RIPOR2: variants seen among roughly 807,000 people sequenced by gnomAD.
RIPOR2 encodes the protein rho family-interacting cell polarization regulator 2.
RIPOR2 carries 39 observed loss-of-function variants against 114.5 expected under a neutral mutation model. That is an observed-to-expected ratio of 0.34 (90% CI 0.26 to 0.44). The LOEUF (loss-of-function observed/expected upper bound fraction) is 0.44, where lower values mean the gene tolerates loss of function less well. Among genes scored for constraint, RIPOR2 ranks in the 20% least tolerant of loss-of-function variants. The pLI, the probability that RIPOR2 is intolerant of heterozygous loss-of-function variation, is 1.00. For missense variants in RIPOR2, 1,007 were observed against 1,255.1 expected, an observed-to-expected ratio of 0.80 and a Z score of 2.99; for synonymous variants, 445 against 484.4, an observed-to-expected ratio of 0.92 and a Z score of 1.07.
intron 1 of RIPOR2, among the ~76,000 whole-genome samples, chr6:24,877,817 G>C (rs1765947160): frequency 6.6e-6 from 1 of 152,178 alleles, no homozygotes; most frequent in Non-Finnish European, 1.5e-5. Flanking sequence ...CTATTGGCTA[G>C]GGTTGGACCG....
At chr6:24,856,975 G>GT in intron 8 of RIPOR2, among the ~76,000 whole-genome samples, 1 of 152,082 alleles carries the variant, frequency 6.6e-6, no homozygotes, top group East Asian at 1.9e-4. Context: ...TGGTAGTGAT[G>GT]TTTTTTTCAC....
chr6:24,957,626 C>A (rs140433345), intron 1 of RIPOR2, among the ~76,000 whole-genome samples: 2,091 of 152,286 alleles, frequency 0.014, 34 homozygotes, highest in African/African-American at 0.039. Context: ...GTAATCCCAA[C>A]ACTATGGGAG....
chr6:24,890,778 C>T (rs1203253268), intron 1 of RIPOR2, among the ~76,000 whole-genome samples: 1 of 151,782 alleles, frequency 6.6e-6, no homozygotes, highest in Admixed American at 6.6e-5. Context: ...CCTTAGCCTC[C>T]TGAGTAGCTA....
chr6:24,873,933 G>A, intron 2 of RIPOR2, 134 bp from the exon 3 acceptor site: 1 of 741,378 alleles, frequency 1.3e-6, no homozygotes, highest in Non-Finnish European at 2.1e-6. Context: ...GAGTATGGTG[G>A]TGTGATCATA....
intron 1 of RIPOR2, among the ~76,000 whole-genome samples, chr6:24,923,470 C>T (rs774771755): frequency 2.0e-5 from 3 of 151,924 alleles, no homozygotes; most frequent in African/African-American, 4.8e-5. Flanking sequence ...GTGGCTGTAC[C>T]ATTTTACATT....
At chr6:25,002,957 A>C (rs1775385362) in intron 1 of RIPOR2, among the ~76,000 whole-genome samples, 1 of 152,260 alleles carries the variant, frequency 6.6e-6, no homozygotes, top group Non-Finnish European at 1.5e-5. Context: ...AAAGTGATTT[A>C]AGACAAGTTC....
At chr6:24,892,128 G>A (rs1394338335) in intron 1 of RIPOR2, among the ~76,000 whole-genome samples, 1 of 152,110 alleles carries the variant, frequency 6.6e-6, no homozygotes, top group Non-Finnish European at 1.5e-5. Context: ...CAAAGTGCTG[G>A]GATTACAGGC....
chr6:24,819,487 G>C (rs1383048389), intron 19 of RIPOR2, among the ~76,000 whole-genome samples: 1 of 151,568 alleles, frequency 6.6e-6, no homozygotes, highest in African/African-American at 2.4e-5. Context: ...TGAATGCTCT[G>C]TTTAAAAAAT....
At chr6:24,977,207 G>C (rs1039433911) in intron 1 of RIPOR2, among the ~76,000 whole-genome samples, 1 of 144,732 alleles carries the variant, frequency 6.9e-6, no homozygotes, top group African/African-American at 2.5e-5. Context: ...AAAGAAACGA[G>C]AAAAAACTCA....
At chr6:24,915,666 G>A (rs1320744172) in intron 1 of RIPOR2, among the ~76,000 whole-genome samples, 4 of 152,194 alleles carry the variant, frequency 2.6e-5, no homozygotes, top group East Asian at 3.9e-4. Flanking sequence ...CCTGGCCCCC[G>A]TCTCTCTGTA....
At chr6:24,817,964 TTC>T (rs1304370334) in intron 20 of RIPOR2, among the ~76,000 whole-genome samples, 1 of 73,216 alleles carries the variant, frequency 1.4e-5, no homozygotes, top group Non-Finnish European at 3.1e-5. Flanking sequence ...TACTTTCCTT[TTC>T]TCTCTCTCTC....
chr6:25,024,622 C>A (rs1561850525), intron 1 of RIPOR2: 1 of 447,300 alleles, frequency 2.2e-6, no homozygotes. Context: ...TAAAGGTTTC[C>A]AGTTCTGTGC....
chr6:25,007,995 C>G (rs2113669467), intron 1 of RIPOR2, among the ~76,000 whole-genome samples: 1 of 152,208 alleles, frequency 6.6e-6, no homozygotes, highest in East Asian at 1.9e-4. Context: ...ATGAAAATGT[C>G]AAATGGAACT....
chr6:24,895,392 C>T (rs117398844), intron 1 of RIPOR2, among the ~76,000 whole-genome samples: 1,596 of 151,958 alleles, frequency 0.011, 67 homozygotes, highest in East Asian at 0.092. Flanking sequence ...GCCTCATTCC[C>T]AGAGATTCTG....
At chr6:24,948,623 C>A (rs1345597306) in intron 1 of RIPOR2, among the ~76,000 whole-genome samples, 1 of 152,046 alleles carries the variant, frequency 6.6e-6, no homozygotes. Flanking sequence ...CCTCTGCCTC[C>A]CGGATTCAAG....
intron 1 of RIPOR2, among the ~76,000 whole-genome samples, chr6:24,995,833 GCT>G (rs1561833351): frequency 7.5e-6 from 1 of 133,034 alleles, no homozygotes; most frequent in African/African-American, 2.9e-5. Flanking sequence ...ATGGAATCTC[GCT>G]CTGTCGCCCC....
At position 24,830,689 on chromosome 6, in the gene RIPOR2, C is replaced by T. The variant is rs1324033778; in HGVS notation, c.2345-19G>A. On this transcript the variant is annotated intron_variant, in intron 16 of 21. Transcript: ENST00000643898. ...GGTATGGCTGGAAAAGAAGAGCAAC[C>T]CCCCATCTCGTAACACATTTTATTT... The T allele has an allele frequency of 6.5e-6, 10 of 1,541,148 alleles. No individual in the cohort carries two copies. The highest frequency in any genetic ancestry group is 8.7e-6 in the Non-Finnish European group (10 of 1,143,710).
intron 1 of RIPOR2, among the ~76,000 whole-genome samples, chr6:25,008,202 A>T (rs1581944774): frequency 6.7e-6 from 1 of 150,194 alleles, no homozygotes. Flanking sequence ...TAAGTTAAGC[A>T]TTTTTTTTTT....
chr6:24,945,701 A>G (rs1256789019), intron 1 of RIPOR2, among the ~76,000 whole-genome samples: 1 of 152,202 alleles, frequency 6.6e-6, no homozygotes, highest in Non-Finnish European at 1.5e-5. Context: ...CTATAAATTA[A>G]GATGTTAATT....
Sources: allele counts gnomAD v4.1 joint callset (sites outside exome capture counted in the v4.1 genomes callset), GRCh38; gene constraint gnomAD v4.1.1; transcripts MANE v1.5; gene names NCBI Gene and HGNC (gene_info 2026-07-23, HGNC 2026-07-21).